The following FANCM variants were observed in gnomAD, a reference collection of about 807,000 sequenced individuals.
The protein encoded by FANCM is Fanconi anemia group M protein.
FANCM carries 140 observed loss-of-function variants against 199.5 expected under a neutral mutation model. The observed-to-expected ratio is 0.70, with a 90% confidence interval of 0.61 to 0.81. FANCM has a LOEUF of 0.81. Among genes scored for constraint, FANCM ranks in the 30% least tolerant of loss-of-function variants. The pLI, the probability that FANCM is intolerant of heterozygous loss-of-function variation, is 0.00. For synonymous variants in FANCM, 840 were observed against 836.8 expected (o/e 1.00, Z -0.07); for missense variants, 2,410 against 2,421.4 (o/e 1.00, Z 0.10).
At chr14:45,161,587 A>T (rs1199118971) in intron 9 of FANCM, among the ~76,000 whole-genome samples, 1 of 152,018 alleles carries the variant, frequency 6.6e-6, no homozygotes, top group Non-Finnish European at 1.5e-5. Flanking sequence ...GAGACCAACT[A>T]GGGCAACATG....
chr14:45,173,577 C>G (rs898952866), intron 13 of FANCM, among the ~76,000 whole-genome samples: 21 of 152,066 alleles, frequency 1.4e-4, no homozygotes, highest in African/African-American at 5.1e-4. Flanking sequence ...TTATAGATTC[C>G]TTGAGCAGTT....
At chr14:45,153,582 A>G (rs1886969620) in intron 5 of FANCM, among the ~76,000 whole-genome samples, 1 of 152,240 alleles carries the variant, frequency 6.6e-6, no homozygotes, top group African/African-American at 2.4e-5. Context: ...GAACAAATAT[A>G]TCTATATACT....
chr14:45,163,513 A>G (rs1887751590), intron 9 of FANCM, among the ~76,000 whole-genome samples: 1 of 152,176 alleles, frequency 6.6e-6, no homozygotes, highest in African/African-American at 2.4e-5. Context: ...GGCTTAAGGG[A>G]CTTTCATTAA....
intron 20 of FANCM, among the ~76,000 whole-genome samples, chr14:45,195,316 C>T (rs1003981461): frequency 6.6e-6 from 1 of 152,174 alleles, no homozygotes; most frequent in Non-Finnish European, 1.5e-5. Context: ...ATTCTGGCTA[C>T]AAGCCTACAT....
Position 45,137,008 on chromosome 14 carries a change from A to G in FANCM, c.509-61A>G, listed in dbSNP as rs2139106024. On this transcript the variant is annotated intron_variant, in intron 1 of 22. Transcript: ENST00000267430. Reference sequence around the variant, plus strand: ...GTTTGCATTCTGAAAAAGCCAGACTATTTATATTTTATAGATAACAGTCTG... The same window carrying G: ...GTTTGCATTCTGAAAAAGCCAGACTGTTTATATTTTATAGATAACAGTCTG... 4 of 1,267,696 alleles carry G rather than the reference A, an allele frequency of 3.2e-6. No individual in the cohort carries two copies. In the East Asian group the frequency reaches 9.3e-5, roughly 29 times the overall value. The allele number at this position is 1,267,696 out of a possible 1,614,324, so 78.5% of individuals were successfully genotyped here.
chr14:45,157,125 A>G (rs1414453418), intron 8 of FANCM, among the ~76,000 whole-genome samples: 2 of 152,168 alleles, frequency 1.3e-5, no homozygotes, highest in East Asian at 1.9e-4. Flanking sequence ...ACATAAATAT[A>G]TACAACTTTT....
At chr14:45,187,243 T>C (rs10135827) in intron 18 of FANCM, among the ~76,000 whole-genome samples, 7,537 of 151,928 alleles carry the variant, frequency 0.05, 658 homozygotes, top group African/African-American at 0.17. Context: ...GAAATTCACA[T>C]TATCTTTTGT....
chr14:45,138,647 A>T (rs1885697955), intron 2 of FANCM, among the ~76,000 whole-genome samples: 1 of 152,218 alleles, frequency 6.6e-6, no homozygotes, highest in African/African-American at 2.4e-5. Flanking sequence ...ATTTTTTAAA[A>T]TTCAAACTGT....
Position 45,159,164 on chromosome 14 carries a change from G to T in FANCM, c.1465G>T (p.Val489Phe), listed in dbSNP as rs765866662. Residue 489 changes from valine (V) to phenylalanine (F), a missense_variant, in exon 9 of 23, where the codon GTT (valine) becomes TTT (phenylalanine). Physicochemically the swap from Val to Phe is conservative, Grantham distance 50 (BLOSUM62 -1). Coordinates refer to ENST00000267430, the MANE Select transcript of FANCM (RefSeq NM_020937.4). ...VMIFSSFRDS[V>F]QEIAEMLSQH... ...GATCTTCTCTTCATTTCGAGATAGT[G>T]TTCAAGAAATTGCAGAAATGCTTTC... The T allele has an allele frequency of 6.2e-7, 1 of 1,613,388 alleles. No individual in the cohort carries two copies. Among genetic ancestry groups the T allele is most frequent in the Non-Finnish European group, 8.5e-7 (1 of 1,179,446 alleles).
chr14:45,176,972 T>C lies in FANCM; in HGVS notation c.4218T>C (p.Val1406=), dbSNP rs1156864369. 1 of 1,556,222 alleles carries C rather than the reference T, an allele frequency of 6.4e-7. No individual in the cohort carries two copies. The highest frequency in any genetic ancestry group is 8.9e-7 in the Non-Finnish European group (1 of 1,128,368). The part of the protein sequence containing the change: ...PMYLHKSCHS[V]EDGQLLTSNE... ...ATCTGCATAAATCCTGTCATTCTGT[T>C]GAAGGTAAGATTCCATCTTTATAAA... is the stretch of plus-strand genomic sequence containing the variant. The change falls in exon 14 of 23, where the codon GTT becomes GTC. Residue 1406 remains valine (V), a synonymous_variant. Coordinates refer to ENST00000267430, the MANE Select transcript of FANCM (RefSeq NM_020937.4).
At chr14:45,157,630 C>G (rs1887290719) in intron 8 of FANCM, among the ~76,000 whole-genome samples, 1 of 152,170 alleles carries the variant, frequency 6.6e-6, no homozygotes. Context: ...GAAGGAGATA[C>G]AGGTTTTGTG....
rs768148571 is a variant in FANCM at position 45,170,702 on chromosome 14, C to A, written c.2116C>A (p.Pro706Thr). The stretch of plus-strand genomic sequence containing the variant: ...TGATGAAATTAAAGAGATAACATTG[C>A]CTCAAGTTCAGTTTTCTTCTTTACA... Reference protein sequence around the residue: ...DSDEIKEITLPQVQFSSLQNE... With the variant: ...DSDEIKEITLTQVQFSSLQNE... The change falls in exon 12 of 23, where the codon CCT becomes ACT. Residue 706 changes from proline (P) to threonine (T), a missense_variant. Pro to Thr is a conservative substitution (Grantham distance 38). Transcript: ENST00000267430. The A allele has an allele frequency of 6.2e-7, 1 of 1,610,906 alleles. No homozygotes were observed. Among genetic ancestry groups the A allele is most frequent in the Admixed American group, 1.7e-5 (1 of 59,998 alleles).
At chr14:45,181,590 C>CT (rs1455997428) in intron 15 of FANCM, 47 bp from the exon 16 acceptor site, 1 of 1,542,444 alleles carries the variant, frequency 6.5e-7, no homozygotes, top group African/African-American at 1.4e-5. Context: ...ATACCTTGGG[C>CT]TTCTGCTGAG....
rs112878615 is a variant in FANCM, at chr14:45,197,767, CTT to C, written c.5717-864_5717-863del. Among the ~76,000 whole-genome samples the C allele has an allele frequency of 7.1e-3, 843 of 118,406 alleles. 5 individuals carry two copies. The highest frequency in any genetic ancestry group is 0.023 in the African/African-American group (774 of 33,432). The allele number at this position is 118,406 out of a possible 152,430, so 77.7% of individuals were successfully genotyped here. On this transcript the variant is annotated intron_variant, in intron 21 of 22. Coordinates refer to ENST00000267430, the MANE Select transcript of FANCM (RefSeq NM_020937.4). ...GGCATGAGCCACCATGCCCAGCCTT[CTT>C]TTTTTTTTTTTTGAAATGGAGTCTT...
In FANCM at chr14:45,198,651, A is replaced by C; in HGVS notation, c.5724A>C (p.Thr1908=). 6.2e-7 allele frequency: 1 copy of C among 1,610,522 alleles called. No homozygotes were observed. Among genetic ancestry groups the C allele is most frequent in the African/African-American group, 1.3e-5 (1 of 74,948 alleles). Residue 1908 remains threonine, a synonymous_variant, in exon 22 of 23, where the codon ACA becomes ACC. Transcript: ENST00000267430. ...VEKDREKTGD[T]SRMFRRTKSY... The stretch of plus-strand genomic sequence containing the variant: ...CTAAATATGAATATTTAGGAGACAC[A>C]TCAAGGATGTTTAGGAGAACAAAGA...
chr14:45,148,641 C>T (rs1458073426), intron 3 of FANCM, among the ~76,000 whole-genome samples, 196 bp from the exon 4 acceptor site: 2 of 152,048 alleles, frequency 1.3e-5, no homozygotes, highest in African/African-American at 2.4e-5. Context: ...AAAGATGTTT[C>T]GGAAGCACTT....
In FANCM at chr14:45,187,881, C is replaced by T. The variant is rs1889505903; in HGVS notation, c.4773C>T (p.Phe1591=). The change falls in exon 19 of 23, where the codon TTC becomes TTT. Residue 1591 remains phenylalanine (F), a synonymous_variant. Coordinates refer to ENST00000267430, the MANE Select transcript of FANCM (RefSeq NM_020937.4). The stretch of plus-strand genomic sequence containing the variant: ...AGACACATAAAAACATAAACATTTT[C>T]TCGCAGGTATGAACTATAGAAATAT... ...IHKTHKNINI[F]SQIPEQDETY... 1 of 1,417,682 alleles carries T rather than the reference C, an allele frequency of 7.1e-7. No individual in the cohort carries two copies. The highest frequency in any genetic ancestry group is 1.7e-5 in the Admixed American group (1 of 59,608). The allele number at this position is 1,417,682 out of a possible 1,614,324, so 87.8% of individuals were successfully genotyped here. A position where few individuals can be genotyped will look rare whatever the true frequency, so the allele number is the denominator to read the frequency against.
intron 21 of FANCM, among the ~76,000 whole-genome samples, chr14:45,197,039 A>G (rs193176951): frequency 6.6e-5 from 10 of 152,346 alleles, no homozygotes; most frequent in South Asian, 2.1e-4. Context: ...CGAGTTCTCA[A>G]TGGGTCACTG....
chr14:45,136,677 G>A, intron 1 of FANCM, 138 bp downstream of exon 1: 1 of 812,242 alleles, frequency 1.2e-6, no homozygotes, highest in Non-Finnish European at 2.0e-6. Flanking sequence ...CAAAACTGAT[G>A]AATAGGGTTG....
Sources: gnomAD v4.1 joint callset for allele counts (sites outside exome capture counted in the v4.1 genomes callset) on GRCh38, gnomAD v4.1.1 for gene constraint, MANE v1.5 for transcripts, NCBI Gene and HGNC (gene_info 2026-07-23, HGNC 2026-07-21) for gene names.